Variants in PRKN observed in about 807,000 individuals in gnomAD.
PRKN encodes E3 ubiquitin-protein ligase parkin.
In PRKN, 56 loss-of-function variants were observed where a neutral mutation model predicts 59.5. The ratio of observed to expected loss-of-function variants is 0.94; its 90% CI spans 0.76 to 1.18. PRKN has a LOEUF of 1.18. Among genes scored for constraint, PRKN ranks in the 50% most tolerant of loss-of-function variants. The pLI, the probability that PRKN is intolerant of heterozygous loss-of-function variation, is 0.00. For missense variants in PRKN, 657 were observed against 596.4 expected, an observed-to-expected ratio of 1.10 and a Z score of -1.06; for synonymous variants, 250 against 222.1, an observed-to-expected ratio of 1.13 and a Z score of -1.12.
chr6:162,500,823 A>T (rs1793330754), intron 1 of PRKN, among the ~76,000 whole-genome samples: 1 of 152,150 alleles, frequency 6.6e-6, no homozygotes, highest in Non-Finnish European at 1.5e-5. Flanking sequence ...TTCTCTAGGT[A>T]TATTTAATAT....
At chr6:162,380,242 T>C (rs1168162798) in intron 2 of PRKN, among the ~76,000 whole-genome samples, 1 of 151,802 alleles carries the variant, frequency 6.6e-6, no homozygotes, top group African/African-American at 2.4e-5. Context: ...AGTATAGTGA[T>C]AGCATTATAA....
At chr6:162,238,100 G>A (rs533247785) in intron 3 of PRKN, among the ~76,000 whole-genome samples, 3 of 152,274 alleles carry the variant, frequency 2.0e-5, no homozygotes, top group Non-Finnish European at 4.4e-5. Context: ...TTTGCCATAT[G>A]GCTTGTATAT....
At chr6:162,514,826 T>C (rs1421250325) in intron 1 of PRKN, among the ~76,000 whole-genome samples, 1 of 152,164 alleles carries the variant, frequency 6.6e-6, no homozygotes, top group Non-Finnish European at 1.5e-5. Flanking sequence ...TGAGACTATA[T>C]TTTAGACTAA....
chr6:161,507,085 C>G (rs902499120), intron 9 of PRKN, among the ~76,000 whole-genome samples: 1 of 152,144 alleles, frequency 6.6e-6, no homozygotes, highest in Admixed American at 6.5e-5. Flanking sequence ...TTAAGCCTCA[C>G]GTAAGGAAGA....
intron 1 of PRKN, among the ~76,000 whole-genome samples, chr6:162,723,988 C>T (rs1474281003): frequency 1.3e-5 from 2 of 152,156 alleles, no homozygotes; most frequent in Non-Finnish European, 2.9e-5. Flanking sequence ...GTCTAAGACA[C>T]TGAATGTGTA....
chr6:161,490,059 C>T (rs1364952006), intron 9 of PRKN, among the ~76,000 whole-genome samples: 1 of 152,226 alleles, frequency 6.6e-6, no homozygotes, highest in Non-Finnish European at 1.5e-5. Flanking sequence ...GATATTCCAA[C>T]TTAATGTCTT....
chr6:162,541,997 G>A (rs1778944129), intron 1 of PRKN, among the ~76,000 whole-genome samples: 1 of 152,088 alleles, frequency 6.6e-6, no homozygotes, highest in Non-Finnish European at 1.5e-5. Flanking sequence ...AAAACGCAAG[G>A]CTGTTGTGTT....
At chr6:162,082,627 T>C (rs894874389) in intron 4 of PRKN, among the ~76,000 whole-genome samples, 2 of 152,160 alleles carry the variant, frequency 1.3e-5, no homozygotes, top group Non-Finnish European at 1.5e-5. Context: ...ATTTGGTCTA[T>C]ATTGGCTTTC....
At chr6:162,093,208 T>TA (rs1779580573) in intron 4 of PRKN, among the ~76,000 whole-genome samples, 2 of 152,160 alleles carry the variant, frequency 1.3e-5, no homozygotes, top group Admixed American at 1.3e-4. Flanking sequence ...ATAGCCTAAA[T>TA]AAATGGTCTA....
chr6:161,662,315 G>A (rs934995583), intron 7 of PRKN, among the ~76,000 whole-genome samples: 4 of 152,178 alleles, frequency 2.6e-5, no homozygotes, highest in Non-Finnish European at 5.9e-5. Context: ...CGAGGAGGGC[G>A]TGCATCTCTT....
At chr6:162,222,340 C>T (rs1302165654) in intron 3 of PRKN, among the ~76,000 whole-genome samples, 1 of 152,012 alleles carries the variant, frequency 6.6e-6, no homozygotes, top group Non-Finnish European at 1.5e-5. Flanking sequence ...TCGGCCTGAC[C>T]CAATCAGAGA....
At position 161,362,137 on chromosome 6, in the gene PRKN, A is replaced by G. The variant is rs943357518; in HGVS notation, c.1168-1932T>C. Among the ~76,000 whole-genome samples, 3 of 152,228 alleles carry G rather than the reference A, an allele frequency of 2.0e-5. No homozygotes were observed. Among genetic ancestry groups the G allele is most frequent in the African/African-American group, 7.2e-5 (3 of 41,460 alleles). ...ATACAATTTTACTTATCAGAAAATAATTTCAAAATGCCATTTTTTAGCAAC... is the reference window on the plus strand; with the variant it reads ...ATACAATTTTACTTATCAGAAAATAGTTTCAAAATGCCATTTTTTAGCAAC... On this transcript the variant is annotated intron_variant, in intron 10 of 11. Transcript: ENST00000366898. This position sits in a 1 kb window ranked among gnomAD's most constrained non-coding sequence, Gnocchi z 5.2.
At chr6:162,540,006 T>G (rs1271577425) in intron 1 of PRKN, among the ~76,000 whole-genome samples, 1 of 152,036 alleles carries the variant, frequency 6.6e-6, no homozygotes, top group African/African-American at 2.4e-5. Context: ...CACTGCAACC[T>G]CCAGGTTCAA....
chr6:162,642,608 A>G (rs1056822448), intron 1 of PRKN, among the ~76,000 whole-genome samples: 20 of 152,040 alleles, frequency 1.3e-4, no homozygotes, highest in African/African-American at 1.4e-4. Flanking sequence ...GCAAACCAAT[A>G]TAAGTATAGT....
At chr6:162,544,488 A>C (rs1779041622) in intron 1 of PRKN, among the ~76,000 whole-genome samples, 1 of 152,146 alleles carries the variant, frequency 6.6e-6, no homozygotes, top group African/African-American at 2.4e-5. Flanking sequence ...TTGACGTTGC[A>C]GACTTTTAGT....
chr6:162,227,320 A>G (rs1161944522), intron 3 of PRKN, among the ~76,000 whole-genome samples: 1 of 152,178 alleles, frequency 6.6e-6, no homozygotes, highest in Non-Finnish European at 1.5e-5. Flanking sequence ...CCTTAATGTA[A>G]TAAACCAAAC....
chr6:161,766,021 T>A (rs1789408730), intron 7 of PRKN, among the ~76,000 whole-genome samples: 1 of 152,226 alleles, frequency 6.6e-6, no homozygotes, highest in Admixed American at 6.5e-5. Context: ...TAACACAGTA[T>A]TTTAATATTA....
chr6:161,373,280 A>G lies in PRKN; in HGVS notation c.1168-13075T>C, dbSNP rs1291709467. Among the ~76,000 whole-genome samples, 1 of 152,172 alleles carries G rather than the reference A, an allele frequency of 6.6e-6. No homozygotes were observed. The highest frequency in any genetic ancestry group is 1.5e-5 in the Non-Finnish European group (1 of 68,036). On this transcript the variant is annotated intron_variant, in intron 10 of 11. Transcript: ENST00000366898. This position sits in a 1 kb window ranked among gnomAD's most constrained non-coding sequence, Gnocchi z 4.8. ...ATACCTTCACAGCGACACCTTGACTACTGCTGGTTCCAACAACTGGGCTGT... is the reference window on the plus strand; with the variant it reads ...ATACCTTCACAGCGACACCTTGACTGCTGCTGGTTCCAACAACTGGGCTGT...
At chr6:162,196,326 T>G (rs1030703180) in intron 4 of PRKN, among the ~76,000 whole-genome samples, 6 of 152,194 alleles carry the variant, frequency 3.9e-5, no homozygotes, top group African/African-American at 1.4e-4. Flanking sequence ...TGATATAAAT[T>G]GGTGCTAGGG....
Sources: gnomAD v4.1 joint callset for allele counts (sites outside exome capture counted in the v4.1 genomes callset) on GRCh38, gnomAD v4.1.1 for gene constraint, Gnocchi (gnomAD v3.1) non-coding constraint, MANE v1.5 for transcripts, NCBI Gene and HGNC (gene_info 2026-07-23, HGNC 2026-07-21) for gene names.